STK32A: variants seen among roughly 807,000 people sequenced by gnomAD.
STK32A encodes the protein serine/threonine kinase 32A.
A neutral mutation model predicts 53.2 loss-of-function variants in STK32A; 41 were observed. That is an observed-to-expected ratio of 0.77 (90% CI 0.60 to 1.00). The LOEUF is 1.00. Among genes scored for constraint, STK32A ranks in the 50% least tolerant of loss-of-function variants. The probability of loss-of-function intolerance (pLI) is 0.00; values close to 1 mark genes in which losing one functional copy is unlikely to be tolerated. For synonymous variants in STK32A, 166 were observed against 162.8 expected (o/e 1.02, Z -0.15); for missense variants, 458 against 485.8 (o/e 0.94, Z 0.54).
In STK32A at chr5:147,384,093, A is replaced by G; in HGVS notation, c.*110A>G. The G allele has an allele frequency of 1.3e-6, 2 of 1,497,516 alleles. No individual in the cohort carries two copies. Among genetic ancestry groups the G allele is most frequent in the South Asian group, 2.7e-5 (2 of 73,696 alleles). 92.8% of individuals were successfully genotyped at this position (1,497,516 alleles called of 1,614,324 possible). On this transcript the variant is annotated 3_prime_UTR_variant, in exon 13 of 13. Coordinates refer to ENST00000397936, the MANE Select transcript of STK32A (RefSeq NM_001112724.2). ...CACTCCACACACCATGACTTAGAAA[A>G]TGTGAATGAATATATTTCAAAAAAG...
intron 2 of STK32A, among the ~76,000 whole-genome samples, chr5:147,243,861 T>A (rs1026419817): frequency 5.7e-5 from 3 of 52,750 alleles, no homozygotes; most frequent in Non-Finnish European, 1.3e-4. Flanking sequence ...TCCTAATTAC[T>A]TTTTTTTTAT....
chr5:147,323,754 G>T, intron 4 of STK32A, 144 bp from the exon 5 acceptor site: 1 of 620,792 alleles, frequency 1.6e-6, no homozygotes, highest in Middle Eastern at 4.4e-4. Context: ...TAAGGTGATA[G>T]AGCTAGTGAT....
chr5:147,270,655 A>G (rs1754988679), intron 2 of STK32A, among the ~76,000 whole-genome samples: 1 of 152,224 alleles, frequency 6.6e-6, no homozygotes, highest in Non-Finnish European at 1.5e-5. Context: ...GATATGTAAA[A>G]TATATACAAA....
At chr5:147,297,453 C>A (rs1752919614) in intron 4 of STK32A, among the ~76,000 whole-genome samples, 1 of 152,164 alleles carries the variant, frequency 6.6e-6, no homozygotes, top group South Asian at 2.1e-4. Context: ...GGGCTGCAGT[C>A]ATGAAAGCAG....
chr5:147,255,119 G>A (rs1196950717), intron 2 of STK32A, among the ~76,000 whole-genome samples: 4 of 152,142 alleles, frequency 2.6e-5, no homozygotes, highest in Non-Finnish European at 5.9e-5. Flanking sequence ...CAGCCTGGGC[G>A]ACAGAGACTC....
chr5:147,253,576 G>A (rs1754094466), intron 2 of STK32A, among the ~76,000 whole-genome samples: 1 of 152,140 alleles, frequency 6.6e-6, no homozygotes, highest in Admixed American at 6.6e-5. Context: ...GGCTGGTCTT[G>A]AACTCCTGAT....
At chr5:147,346,248 C>T (rs945472627) in intron 6 of STK32A, among the ~76,000 whole-genome samples, 9 of 152,128 alleles carry the variant, frequency 5.9e-5, no homozygotes, top group African/African-American at 1.7e-4. Context: ...TTGAAGACCT[C>T]ATTTGCCTTC....
intron 2 of STK32A, among the ~76,000 whole-genome samples, chr5:147,269,139 T>C (rs1581017283): frequency 6.6e-6 from 1 of 152,152 alleles, no homozygotes; most frequent in East Asian, 1.9e-4. Context: ...ATAATAGTAA[T>C]ACTGTTTCAG....
intron 4 of STK32A, among the ~76,000 whole-genome samples, chr5:147,302,899 G>A (rs1354613363): frequency 2.6e-5 from 4 of 151,972 alleles, no homozygotes; most frequent in African/African-American, 9.7e-5. Context: ...AATTTCCTAA[G>A]CATAAACACT....
chr5:147,347,843 G>A (rs115261074), intron 6 of STK32A, among the ~76,000 whole-genome samples: 119 of 152,280 alleles, frequency 7.8e-4, no homozygotes, highest in African/African-American at 1.9e-3. Flanking sequence ...GGCTGTAGCC[G>A]GACCTGGGAC....
At chr5:147,304,725 G>A (rs79375278) in intron 4 of STK32A, among the ~76,000 whole-genome samples, 2,485 of 152,226 alleles carry the variant, frequency 0.016, 73 homozygotes, top group African/African-American at 0.056. Flanking sequence ...CTGCCATCCT[G>A]GAATCTTCCA....
chr5:147,276,919 G>A (rs1179563965), intron 2 of STK32A, among the ~76,000 whole-genome samples: 1 of 152,138 alleles, frequency 6.6e-6, no homozygotes, highest in African/African-American at 2.4e-5. Flanking sequence ...TTGAGTCCAA[G>A]TACAGGATTA....
the STK32A span, among the ~76,000 whole-genome samples, chr5:147,394,895 A>G: frequency 1.1e-4 from 16 of 151,986 alleles, no homozygotes; most frequent in African/African-American, 3.6e-4. Context: ...TTTTCTTGTT[A>G]TCTTACTTCC....
intron 3 of STK32A, 88 bp downstream of exon 3, chr5:147,278,267 C>T: frequency 2.8e-6 from 3 of 1,069,074 alleles, no homozygotes; most frequent in Non-Finnish European, 4.1e-6. Flanking sequence ...TATTGAGTTG[C>T]TGGGACCGCA....
intron 4 of STK32A, among the ~76,000 whole-genome samples, chr5:147,294,776 T>C (rs1486492172): frequency 2.0e-5 from 3 of 151,964 alleles, no homozygotes; most frequent in Non-Finnish European, 4.4e-5. Context: ...CTCTGCCTCC[T>C]GGGTTCAAGC....
At chr5:147,271,055 G>T (rs1370007988) in intron 2 of STK32A, among the ~76,000 whole-genome samples, 1 of 151,816 alleles carries the variant, frequency 6.6e-6, no homozygotes, top group East Asian at 1.9e-4. Context: ...GAGTGCAGTG[G>T]CACAGTCTTG....
At chr5:147,360,814 T>C (rs1756470960) in intron 7 of STK32A, among the ~76,000 whole-genome samples, 1 of 152,210 alleles carries the variant, frequency 6.6e-6, no homozygotes, top group Non-Finnish European at 1.5e-5. Flanking sequence ...GTTAGGTTTA[T>C]TCTTAGAAGG....
intron 2 of STK32A, among the ~76,000 whole-genome samples, chr5:147,268,663 G>T (rs181885686): frequency 2.6e-5 from 4 of 152,240 alleles, no homozygotes; most frequent in Non-Finnish European, 2.9e-5. Context: ...CCATTCTCAT[G>T]TTCTGGAAGC....
chr5:147,321,643 A>G (rs1754327764), intron 4 of STK32A, among the ~76,000 whole-genome samples: 1 of 152,178 alleles, frequency 6.6e-6, no homozygotes, highest in African/African-American at 2.4e-5. Context: ...CCCAAGTCCC[A>G]GTAAAAATGT....
Sources: gnomAD v4.1 joint callset for allele counts (sites outside exome capture counted in the v4.1 genomes callset) on GRCh38, gnomAD v4.1.1 for gene constraint, MANE v1.5 for transcripts, NCBI Gene and HGNC (gene_info 2026-07-23, HGNC 2026-07-21) for gene names.